IQGAP2: variants seen among roughly 807,000 people sequenced by gnomAD.
IQGAP2 encodes the protein ras GTPase-activating-like protein IQGAP2.
A neutral mutation model predicts 201.3 loss-of-function variants in IQGAP2; 173 were observed. The observed-to-expected ratio is 0.86, with a 90% CI of 0.76 to 0.98. The LOEUF is 0.98. Ranked by LOEUF, IQGAP2 falls within the 50% of genes least tolerant of loss-of-function variation. IQGAP2 has a pLI of 0.00. For synonymous variants in IQGAP2, 675 were observed against 673.9 expected (o/e 1.00, Z -0.03); for missense variants, 1,687 against 1,864.8 (o/e 0.90, Z 1.76).
intron 2 of IQGAP2, among the ~76,000 whole-genome samples, chr5:76,552,054 C>A (rs1743590489): frequency 6.6e-6 from 1 of 152,178 alleles, no homozygotes; most frequent in African/African-American, 2.4e-5. Flanking sequence ...GCCCCTGGGC[C>A]TGAACACTTT....
In IQGAP2 at chr5:76,494,126, C is replaced by T. The variant is rs144949645; in HGVS notation, c.146+32457C>T. Among the ~76,000 whole-genome samples the T allele has an allele frequency of 1.9e-4, 29 of 152,106 alleles. 1 individual carries two copies. In the East Asian group the frequency reaches 5.6e-3, roughly 29 times the overall value. On this transcript the variant is annotated intron_variant, in intron 2 of 35. Coordinates refer to ENST00000274364, the MANE Select transcript of IQGAP2 (RefSeq NM_006633.5). ...TTATTGTTGTCTTGTTAGTTTTGAT[C>T]TGCAGTTGGTTGAATCCACAGATGC...
At chr5:76,655,417 T>C (rs560773699) in intron 20 of IQGAP2, among the ~76,000 whole-genome samples, 12 of 152,264 alleles carry the variant, frequency 7.9e-5, no homozygotes, top group Non-Finnish European at 1.3e-4. Flanking sequence ...TACAATTTCA[T>C]TTTGAACTTT....
chr5:76,495,130 T>G (rs950441851), intron 2 of IQGAP2, among the ~76,000 whole-genome samples: 2 of 152,156 alleles, frequency 1.3e-5, no homozygotes, highest in Admixed American at 6.5e-5. Flanking sequence ...TACCTATATA[T>G]AAAAGATATA....
intron 5 of IQGAP2, among the ~76,000 whole-genome samples, chr5:76,580,561 CT>C (rs542929451): frequency 2.2e-4 from 34 of 152,138 alleles, no homozygotes; most frequent in Admixed American, 2.0e-3. Context: ...CTATTTATCT[CT>C]TTTTTTTATT....
At chr5:76,627,389 A>G in intron 13 of IQGAP2, 21 bp from the exon 14 acceptor site, 1 of 1,470,176 alleles carries the variant, frequency 6.8e-7, no homozygotes, top group Non-Finnish European at 9.5e-7. Flanking sequence ...CTTTCTTTTT[A>G]TTCTGTGACA....
chr5:76,617,730 G>A (rs564895051), intron 13 of IQGAP2: 2 of 1,614,016 alleles, frequency 1.2e-6, no homozygotes, highest in African/African-American at 2.7e-5. Context: ...GTAGTAGTTA[G>A]CATGGTGAAT....
At position 76,674,556 on chromosome 5, in the gene IQGAP2, C is replaced by G. The variant is rs761803913; in HGVS notation, c.3374C>G (p.Thr1125Arg). Residue 1125 changes from threonine (T) to arginine (R), a missense_variant, in exon 27 of 36, where the codon ACA becomes AGA. Coordinates refer to ENST00000274364, the MANE Select transcript of IQGAP2 (RefSeq NM_006633.5). The part of the protein sequence containing the change: ...APDGFDIIDM[T>R]AGGQINSDQR... ...GATGGCTTTGATATCATCGACATGA[C>G]AGCTGGAGGTCAGATAAATTCTGAC... 1 of 1,614,114 alleles carries G rather than the reference C, an allele frequency of 6.2e-7. No individual in the cohort carries two copies. The highest frequency in any genetic ancestry group is 1.3e-5 in the African/African-American group (1 of 75,038).
At chr5:76,451,788 A>C (rs1753765352) in intron 1 of IQGAP2, among the ~76,000 whole-genome samples, 1 of 152,234 alleles carries the variant, frequency 6.6e-6, no homozygotes. Context: ...TAATCTGAGC[A>C]CTTTGGGAGG....
At chr5:76,668,908 C>T in intron 23 of IQGAP2, 64 bp downstream of exon 23, 1 of 963,610 alleles carries the variant, frequency 1.0e-6, no homozygotes, top group Non-Finnish European at 1.5e-6. Context: ...TGGTGGCTGT[C>T]TTTGATTTAC....
intron 17 of IQGAP2, among the ~76,000 whole-genome samples, chr5:76,648,744 A>G (rs984022393): frequency 1.3e-5 from 2 of 152,260 alleles, no homozygotes; most frequent in African/African-American, 2.4e-5. Context: ...TTAGAACTGA[A>G]AAATACAGTA....
chr5:76,707,466 G>A lies in IQGAP2; in HGVS notation c.*153G>A, dbSNP rs547265375. 8.2e-6 allele frequency: 5 copies of A among 609,100 alleles called. No individual in the cohort carries two copies. The highest frequency in any genetic ancestry group is 1.4e-5 in the Non-Finnish European group (5 of 345,356). 37.7% of individuals were successfully genotyped at this position (609,100 alleles called of 1,614,324 possible). ...ACTGTTCTGAAGAATGTACCCAGGT[G>A]CCTTTTTGCTAATTTGATACTATAA... On this transcript the variant is annotated 3_prime_UTR_variant, in exon 36 of 36. Coordinates refer to ENST00000274364, the MANE Select transcript of IQGAP2 (RefSeq NM_006633.5).
chr5:76,621,103 T>C (rs1665246589), intron 13 of IQGAP2, among the ~76,000 whole-genome samples: 1 of 152,216 alleles, frequency 6.6e-6, no homozygotes, highest in Admixed American at 6.5e-5. Flanking sequence ...TCTTGTCCCA[T>C]GGCCTCAAAA....
chr5:76,510,542 C>T (rs1004343803), intron 2 of IQGAP2: 3 of 428,536 alleles, frequency 7.0e-6, no homozygotes, highest in South Asian at 1.7e-5. Context: ...TGTGCTGGAC[C>T]CCGCCAAGGT....
intron 2 of IQGAP2, among the ~76,000 whole-genome samples, chr5:76,533,943 C>T (rs762836814): frequency 3.3e-5 from 5 of 152,174 alleles, no homozygotes; most frequent in Admixed American, 6.5e-5. Context: ...CCAGCTTGGC[C>T]TTGTCTTTTA....
intron 21 of IQGAP2, among the ~76,000 whole-genome samples, chr5:76,661,107 C>T (rs1743210220): frequency 6.6e-6 from 1 of 152,118 alleles, no homozygotes; most frequent in African/African-American, 2.4e-5. Flanking sequence ...CCTCCCCACA[C>T]CTTTTTATTT....
chr5:76,496,472 C>A (rs967071566), intron 2 of IQGAP2, among the ~76,000 whole-genome samples: 1 of 152,186 alleles, frequency 6.6e-6, no homozygotes. Context: ...GACAGAGTCT[C>A]ATATGATGCA....
At chr5:76,458,449 G>A (rs1041589454) in intron 1 of IQGAP2, among the ~76,000 whole-genome samples, 7 of 152,192 alleles carry the variant, frequency 4.6e-5, no homozygotes, top group Admixed American at 1.3e-4. Flanking sequence ...TTTGCAGGCA[G>A]TCTCTGTGGC....
At chr5:76,696,477 G>C (rs1746758893) in intron 32 of IQGAP2, among the ~76,000 whole-genome samples, 1 of 152,140 alleles carries the variant, frequency 6.6e-6, no homozygotes, top group Non-Finnish European at 1.5e-5. Flanking sequence ...AGATCTGTTT[G>C]TCAAGGATAA....
chr5:76,496,651 G>T (rs1446653694), intron 2 of IQGAP2, among the ~76,000 whole-genome samples: 1 of 152,126 alleles, frequency 6.6e-6, no homozygotes, highest in Non-Finnish European at 1.5e-5. Context: ...ATATTCACAT[G>T]TGTTTCAAAC....
Sources: allele counts gnomAD v4.1 joint callset (sites outside exome capture counted in the v4.1 genomes callset), GRCh38; gene constraint gnomAD v4.1.1; transcripts MANE v1.5; gene names NCBI Gene and HGNC (gene_info 2026-07-23, HGNC 2026-07-21).